The following PBRM1 variants were observed in gnomAD, a reference collection of about 807,000 sequenced individuals.
PBRM1 encodes the protein protein polybromo-1.
PBRM1 carries 27 observed loss-of-function variants against 194.5 expected under a neutral mutation model. The observed-to-expected ratio is 0.14, with a 90% CI of 0.10 to 0.19. The LOEUF (loss-of-function observed/expected upper bound fraction) is 0.19. PBRM1 is among the 10% of genes least tolerant of loss of function. PBRM1 has a pLI of 1.00. For missense variants in PBRM1, 1,466 were observed against 2,077.2 expected (o/e 0.71, Z 5.72); for synonymous variants, 655 against 693.2 (o/e 0.94, Z 0.87).
intron 2 of PBRM1, among the ~76,000 whole-genome samples, chr3:52,671,044 G>A (rs2096936837): frequency 6.6e-6 from 1 of 152,206 alleles, no homozygotes; most frequent in African/African-American, 2.4e-5. Context: ...CTCAGACCAT[G>A]CAGGCAAGGG....
exon 14 of PBRM1, chr3:52,617,533 T>C (rs1412410494): frequency 6.2e-7 from 1 of 1,604,312 alleles, no homozygotes; most frequent in Non-Finnish European, 8.5e-7. Flanking sequence ...TCTTATGTTC[T>C]TTTTACTGTT....
chr3:52,648,156 C>CTA (rs1332968868), intron 7 of PBRM1, among the ~76,000 whole-genome samples, 188 bp downstream of exon 8: 1 of 152,168 alleles, frequency 6.6e-6, no homozygotes, highest in Non-Finnish European at 1.5e-5. Flanking sequence ...ATCCACCCAC[C>CTA]TAGGCTTCAC....
chr3:52,654,333 T>G (rs1289508216), intron 5 of PBRM1, among the ~76,000 whole-genome samples: 1 of 152,184 alleles, frequency 6.6e-6, no homozygotes, highest in Non-Finnish European at 1.5e-5. Context: ...TGGATGAATC[T>G]CCATTGCTGC....
chr3:52,584,450 CTTTTTTTTTTTTT>C (rs397989611), intron 20 of PBRM1, among the ~76,000 whole-genome samples: 3 of 60,750 alleles, frequency 4.9e-5, no homozygotes, highest in South Asian at 1.3e-3. Context: ...AGTATTCTTG[CTTTTTTTTTTTTT>C]TTTTTTTTTT....
intron 13 of PBRM1, among the ~76,000 whole-genome samples, chr3:52,626,773 G>C (rs2095462166): frequency 6.6e-6 from 1 of 152,112 alleles, no homozygotes; most frequent in Non-Finnish European, 1.5e-5. Context: ...CATTTTATGA[G>C]CTATAAGAAG....
intron 22 of PBRM1, 54 bp downstream of exon 24, chr3:52,576,487 T>C (rs990341416): frequency 2.2e-6 from 3 of 1,379,658 alleles, no homozygotes; most frequent in Non-Finnish European, 3.0e-6. Context: ...GAAGTAGTAT[T>C]CCATCAATTT....
intron 21 of PBRM1, among the ~76,000 whole-genome samples, chr3:52,577,682 G>C (rs993718260): frequency 2.6e-5 from 4 of 152,002 alleles, no homozygotes; most frequent in African/African-American, 9.7e-5. Context: ...CATTTATCAA[G>C]AATACTATTA....
In PBRM1 at chr3:52,657,812, A is replaced by C. The variant is rs1206823403; in HGVS notation, c.645+387T>G. Among the ~76,000 whole-genome samples the C allele has an allele frequency of 8.7e-5, 11 of 126,454 alleles. No individual in the cohort carries two copies. The East Asian group carries it at 2.1e-3, about 24-fold the overall frequency. 83.0% of individuals were successfully genotyped at this position (126,454 alleles called of 152,430 possible). A position where few individuals can be genotyped will look rare whatever the true frequency, so the allele number is the denominator to read the frequency against. ...TTTTTTTTTTTTAAATTTGAGACGG[A>C]GTTTCGCTCTTGTTGCCCAGGCTGG... is the stretch of plus-strand genomic sequence containing the variant. On this transcript the variant is annotated intron_variant, in intron 5 of 29. Transcript: ENST00000296302.
chr3:52,548,001 C>T, exon 30 of PBRM1: 1 of 1,456,810 alleles, frequency 6.9e-7, no homozygotes, highest in South Asian at 1.2e-5. Context: ...CCCCCAGTAA[C>T]TAAAATGGCT....
intron 2 of PBRM1, among the ~76,000 whole-genome samples, chr3:52,669,002 C>T (rs776016910): frequency 6.6e-6 from 1 of 152,036 alleles, no homozygotes; most frequent in Non-Finnish European, 1.5e-5. Context: ...TCATAGTGCT[C>T]AAAAGTGTGA....
intron 5 of PBRM1, among the ~76,000 whole-genome samples, chr3:52,654,964 A>T (rs917535486): frequency 1.6e-4 from 24 of 151,894 alleles, no homozygotes; most frequent in Admixed American, 3.3e-4. Flanking sequence ...AATTAAAAAA[A>T]TTTTTTTTGT....
chr3:52,650,588 T>C (rs1327922066), intron 6 of PBRM1, among the ~76,000 whole-genome samples: 1 of 152,134 alleles, frequency 6.6e-6, no homozygotes, highest in Admixed American at 6.5e-5. Context: ...TTTTCCTTTT[T>C]GCCTTACCTC....
chr3:52,682,898 A>C (rs1021862663), upstream of PBRM1, among the ~76,000 whole-genome samples: 2 of 152,036 alleles, frequency 1.3e-5, no homozygotes, highest in Non-Finnish European at 2.9e-5. Flanking sequence ...TGTCTCTACT[A>C]AAGAAAAATA....
At chr3:52,564,098 C>T (rs149630630) in exon 23 of PBRM1, 1 of 1,613,684 alleles carries the variant, frequency 6.2e-7, no homozygotes, top group Non-Finnish European at 8.5e-7. Flanking sequence ...GAGTGAAAAC[C>T]TCTTCAATCC....
intron 17 of PBRM1, among the ~76,000 whole-genome samples, chr3:52,595,830 G>A (rs559718198): frequency 6.6e-6 from 1 of 152,318 alleles, no homozygotes; most frequent in South Asian, 2.1e-4. Flanking sequence ...CATGGCAAGA[G>A]ACGGGGCTAA....
rs543150959 is a variant in PBRM1, at chr3:52,633,997, G to A, written c.1301+605C>T. On this transcript the variant is annotated intron_variant, in intron 11 of 29. Transcript: ENST00000296302. ...TGAATCATCTTTCTGGTATGGTTGC[G>A]GTTAATGAATTCTCCAGGAACTGAC... is the stretch of plus-strand genomic sequence containing the variant. 1.1e-4 allele frequency among the ~76,000 whole-genome samples: 16 copies of A among 152,144 alleles called. No individual in the cohort carries two copies. The East Asian group carries it at 1.9e-3, about 18-fold the overall frequency.
At chr3:52,627,289 T>C (rs2153578434) in exon 13 of PBRM1, 1 of 1,603,702 alleles carries the variant, frequency 6.2e-7, no homozygotes, top group Non-Finnish European at 8.5e-7. Context: ...CTTTTGGCAC[T>C]ACCAGTATCA....
At chr3:52,630,137 A>T (rs2095570047) in intron 11 of PBRM1, among the ~76,000 whole-genome samples, 2 of 152,094 alleles carry the variant, frequency 1.3e-5, no homozygotes, top group South Asian at 4.2e-4. Context: ...GAAAACCCAA[A>T]CTTGCAAATG....
intron 17 of PBRM1, among the ~76,000 whole-genome samples, chr3:52,602,032 T>G (rs2094032875): frequency 6.6e-6 from 1 of 152,212 alleles, no homozygotes; most frequent in South Asian, 2.1e-4. Flanking sequence ...TCAATTGGGC[T>G]GGACAATCCC....
Sources: gnomAD v4.1 joint callset for allele counts (sites outside exome capture counted in the v4.1 genomes callset) on GRCh38, gnomAD v4.1.1 for gene constraint, MANE v1.5 for transcripts, NCBI Gene and HGNC (gene_info 2026-07-23, HGNC 2026-07-21) for gene names.